ASB3: variants seen among roughly 807,000 people sequenced by gnomAD.
ASB3 encodes ankyrin repeat and SOCS box containing 3.
Under a neutral mutation model 54.5 loss-of-function variants are expected in ASB3, and 41 were observed. The observed-to-expected ratio is 0.75, with a 90% CI of 0.59 to 0.98. ASB3 has a LOEUF of 0.98. Among genes scored for constraint, ASB3 ranks in the 50% least tolerant of loss-of-function variants. The pLI, the probability that ASB3 is intolerant of heterozygous loss-of-function variation, is 0.00. For missense variants in ASB3, 733 were observed against 620.0 expected, an observed-to-expected ratio of 1.18 and a Z score of -1.94; for synonymous variants, 266 against 221.2, an observed-to-expected ratio of 1.20 and a Z score of -1.80.
chr2:53,749,266 C>T (rs1303441272), intron 3 of ASB3, among the ~76,000 whole-genome samples: 2 of 151,970 alleles, frequency 1.3e-5, no homozygotes, highest in Admixed American at 1.3e-4. Context: ...ACTAAACCTC[C>T]ATTAGAATTA....
At chr2:53,779,047 T>C (rs1674507818) in intron 1 of ASB3, among the ~76,000 whole-genome samples, 1 of 152,218 alleles carries the variant, frequency 6.6e-6, no homozygotes. Context: ...TGCCAACACT[T>C]ATCTTTCATC....
Position 53,700,319 on chromosome 2 carries a change from T to A in ASB3, c.1190A>T (p.His397Leu). The A allele has an allele frequency of 2.5e-6, 4 of 1,614,096 alleles. No homozygotes were observed. The highest frequency in any genetic ancestry group is 3.4e-6 in the Non-Finnish European group (4 of 1,179,992). Residue 397 changes from histidine (H) to leucine (L), a missense_variant, in exon 8 of 10, where the codon CAT becomes CTT. Physicochemically the swap from His to Leu is moderately conservative, Grantham distance 99. Coordinates refer to ENST00000263634, the MANE Select transcript of ASB3 (RefSeq NM_016115.5). ...AQAKYKEWLP[H>L]LLVAGFDPLI... ...TGGGTCAAATCCAGCAACCAGAAGA[T>A]GTGGCAACCACTCCTTATATTTTGC...
At chr2:53,682,960 CCTTT>C (rs1423722346) in intron 9 of ASB3, among the ~76,000 whole-genome samples, 2 of 152,092 alleles carry the variant, frequency 1.3e-5, no homozygotes, top group Non-Finnish European at 2.9e-5. Flanking sequence ...ACTTGGATGC[CCTTT>C]CTTTCTTTCT....
chr2:53,758,660 G>C (rs1002771718), intron 2 of ASB3, among the ~76,000 whole-genome samples: 1 of 152,208 alleles, frequency 6.6e-6, no homozygotes, highest in South Asian at 2.1e-4. Context: ...AGGGGTGCAG[G>C]ACTGCTACAT....
chr2:53,687,943 A>G (rs1289739215), intron 9 of ASB3, among the ~76,000 whole-genome samples: 1 of 151,976 alleles, frequency 6.6e-6, no homozygotes, highest in Non-Finnish European at 1.5e-5. Context: ...TGCCTCCCCC[A>G]AGCAGCTGGG....
intron 8 of ASB3, among the ~76,000 whole-genome samples, chr2:53,698,630 G>T (rs1237891665): frequency 1.3e-5 from 2 of 152,146 alleles, no homozygotes; most frequent in Admixed American, 1.3e-4. Context: ...GTTCATCCCA[G>T]TTCTTCACTA....
In ASB3 at chr2:53,693,932, T is replaced by C. The variant is rs765025981; in HGVS notation, c.1321A>G (p.Met441Val). 1.2e-6 allele frequency: 2 copies of C among 1,613,644 alleles called. No individual in the cohort carries two copies. The highest frequency in any genetic ancestry group is 2.2e-5 in the East Asian group (1 of 44,860). ...GCGTTTGAGGCACGAGCAGAGAGCA[T>C]CCTTTCAACAGCTGGTGCAAGTGTC... The part of the protein sequence containing the change: ...WKTLAPAVER[M>V]LSARASNAWI... The change falls in exon 9 of 10, where the codon ATG (methionine) becomes GTG (valine). Residue 441 changes from methionine to valine, a missense_variant. Coordinates refer to ENST00000263634, the MANE Select transcript of ASB3 (RefSeq NM_016115.5).
rs748289448 is a variant in ASB3, at chr2:53,670,601, G to T, written c.1459C>A (p.Gln487Lys). Residue 487 changes from glutamine to lysine, a missense_variant, in exon 10 of 10, where the codon CAG becomes AAG. Gln to Lys is a moderately conservative substitution (Grantham distance 53). Coordinates refer to ENST00000263634, the MANE Select transcript of ASB3 (RefSeq NM_016115.5). The stretch of plus-strand genomic sequence containing the variant: ...TGTAGGCTTCTGGGAAGTGGCAGCT[G>T]ACTAATATAACTGTCAGACCGTAGA... The part of the protein sequence containing the change: ...ERLRSDSYIS[Q>K]LPLPRSLHNY... 12 of 1,613,970 alleles carry T rather than the reference G, an allele frequency of 7.4e-6. No homozygotes were observed. In the South Asian group the frequency reaches 9.9e-5, roughly 13 times the overall value.
chr2:53,785,166 T>G (rs1180065449), intron 1 of ASB3, among the ~76,000 whole-genome samples: 1 of 152,258 alleles, frequency 6.6e-6, no homozygotes, highest in African/African-American at 2.4e-5. Flanking sequence ...AGAAGTCTCC[T>G]CTGACTTACG....
At chr2:53,729,372 G>A in intron 4 of ASB3, 86 bp downstream of exon 4, 2 of 1,376,812 alleles carry the variant, frequency 1.5e-6, no homozygotes, top group Non-Finnish European at 2.0e-6. Context: ...CAGGCAAGCA[G>A]AAAGCAAAAA....
chr2:53,709,029 G>C (rs1027551398), intron 7 of ASB3, among the ~76,000 whole-genome samples: 1 of 152,360 alleles, frequency 6.6e-6, no homozygotes, highest in Admixed American at 6.5e-5. Flanking sequence ...TCAGAAATTT[G>C]CATTAAGTAA....
At chr2:53,727,951 C>T (rs1186040531) in intron 5 of ASB3, among the ~76,000 whole-genome samples, 5 of 152,200 alleles carry the variant, frequency 3.3e-5, no homozygotes, top group African/African-American at 1.2e-4. Context: ...GTCTCAAACT[C>T]CTGATCTCAA....
chr2:53,762,800 G>A (rs1281812577), intron 2 of ASB3, among the ~76,000 whole-genome samples: 1 of 152,072 alleles, frequency 6.6e-6, no homozygotes, highest in Non-Finnish European at 1.5e-5. Context: ...ACTAAAATGA[G>A]ATACATAAGA....
At chr2:53,781,284 C>T (rs1674629763) in intron 1 of ASB3, among the ~76,000 whole-genome samples, 1 of 151,868 alleles carries the variant, frequency 6.6e-6, no homozygotes, top group African/African-American at 2.4e-5. Context: ...TGGTGGTGCA[C>T]ACCTGTAGTT....
At chr2:53,775,220 G>C (rs941401212) in intron 1 of ASB3, 1 of 152,440 alleles carries the variant, frequency 6.6e-6, no homozygotes, top group South Asian at 2.1e-4. Flanking sequence ...CATTCACTTT[G>C]TATTAATCTT....
chr2:53,724,675 A>G (rs1489487507), intron 5 of ASB3, among the ~76,000 whole-genome samples: 1 of 152,192 alleles, frequency 6.6e-6, no homozygotes, highest in Non-Finnish European at 1.5e-5. Flanking sequence ...CAACAAACAC[A>G]TGAAGAATTG....
intron 1 of ASB3, among the ~76,000 whole-genome samples, chr2:53,771,252 C>A (rs1451303260): frequency 6.6e-6 from 1 of 152,138 alleles, no homozygotes; most frequent in African/African-American, 2.4e-5. Context: ...CGGTGGCTCA[C>A]GCCTGTAATC....
chr2:53,763,388 G>C (rs1166244496), intron 2 of ASB3: 2 of 168,968 alleles, frequency 1.2e-5, no homozygotes, highest in Non-Finnish European at 2.9e-5. Context: ...TCGGGCTTCT[G>C]TATCCACGGG....
intron 9 of ASB3, among the ~76,000 whole-genome samples, chr2:53,685,287 G>A (rs145271054): frequency 6.6e-6 from 1 of 152,288 alleles, no homozygotes; most frequent in East Asian, 1.9e-4. Context: ...AGTAGAAGAA[G>A]AGATGGAATA....
Sources: gnomAD v4.1 joint callset for allele counts (sites outside exome capture counted in the v4.1 genomes callset) on GRCh38, gnomAD v4.1.1 for gene constraint, MANE v1.5 for transcripts, NCBI Gene and HGNC (gene_info 2026-07-23, HGNC 2026-07-21) for gene names.